Variants in TPH2 observed in about 807,000 individuals in gnomAD.
TPH2 encodes the protein tryptophan 5-hydroxylase 2.
TPH2 carries 27 observed loss-of-function variants against 59.1 expected under a neutral mutation model. That is an observed-to-expected ratio of 0.46 (90% CI 0.34 to 0.63). The LOEUF (loss-of-function observed/expected upper bound fraction) is 0.63. TPH2 is among the 30% of genes least tolerant of loss of function. TPH2 has a pLI of 0.01. For synonymous variants in TPH2, 220 were observed against 210.5 expected (o/e 1.05, Z -0.39); for missense variants, 523 against 588.3 (o/e 0.89, Z 1.15).
intron 5 of TPH2, among the ~76,000 whole-genome samples, chr12:71,970,940 AT>A (rs1057358108): frequency 2.0e-5 from 3 of 152,226 alleles, no homozygotes; most frequent in Non-Finnish European, 2.9e-5. Context: ...ACTGCAATTA[AT>A]TTTTTTTAAA....
intron 7 of TPH2, among the ~76,000 whole-genome samples, chr12:71,989,856 G>A (rs1872539110): frequency 6.6e-6 from 1 of 151,874 alleles, no homozygotes; most frequent in South Asian, 2.1e-4. Context: ...TTGTGGACCT[G>A]TTTCTGCAGG....
At position 72,031,295 on chromosome 12, in the gene TPH2, A is replaced by AC; in HGVS notation, c.1205dup (p.Thr404AspfsTer23). 6.2e-7 allele frequency: 1 copy of AC among 1,613,640 alleles called. No individual in the cohort carries two copies. Among genetic ancestry groups the AC allele is most frequent in the Middle Eastern group, 1.6e-4 (1 of 6,062 alleles). On this transcript the variant is annotated frameshift_variant, in exon 10 of 11. Coordinates refer to ENST00000333850, the MANE Select transcript of TPH2 (RefSeq NM_173353.4). LOFTEE classifies it high-confidence loss of function. ...GACAAGGCATGTGTGAAAGCCTTTG[A>AC]CCCAAAGACAACTTGCTTACAGGAA...
Position 71,997,761 on chromosome 12 carries a change from G to C in TPH2, c.1068+3196G>C, listed in dbSNP as rs546616447. 9.1e-4 allele frequency among the ~76,000 whole-genome samples: 128 copies of C among 141,008 alleles called. 1 individual carries two copies. The highest frequency in any genetic ancestry group is 1.8e-3 in the Admixed American group (24 of 13,302). 92.5% of individuals were successfully genotyped at this position (141,008 alleles called of 152,430 possible). A position where few individuals can be genotyped will look rare whatever the true frequency, so the allele number is the denominator to read the frequency against. ...TCCTAGGTACCATGAGGTAGGGACA[G>C]GGGGAAAAAAAGAGGTGGTAGTTTC... is the stretch of plus-strand genomic sequence containing the variant. On this transcript the variant is annotated intron_variant, in intron 8 of 10. Coordinates refer to ENST00000333850, the MANE Select transcript of TPH2 (RefSeq NM_173353.4).
chr12:71,994,658 A>C, intron 8 of TPH2, 93 bp downstream of exon 8: 1 of 1,496,538 alleles, frequency 6.7e-7, no homozygotes, highest in Non-Finnish European at 9.2e-7. Flanking sequence ...TTATAGGTAA[A>C]TGTTCTGGAG....
chr12:71,949,526 T>C (rs1218447624), intron 4 of TPH2, 62 bp from the exon 5 acceptor site: 14 of 1,391,762 alleles, frequency 1.0e-5, no homozygotes, highest in Non-Finnish European at 1.4e-5. Context: ...GATTTTCTTT[T>C]AGGTCTTCTG....
intron 8 of TPH2, among the ~76,000 whole-genome samples, chr12:71,999,864 G>A (rs1373030965): frequency 6.6e-6 from 1 of 152,166 alleles, no homozygotes; most frequent in Admixed American, 6.5e-5. Flanking sequence ...CTATCCTTGA[G>A]GGACAAGCCC....
chr12:71,977,491 G>A (rs553200430), intron 6 of TPH2, among the ~76,000 whole-genome samples: 1 of 152,178 alleles, frequency 6.6e-6, no homozygotes, highest in Admixed American at 6.5e-5. Flanking sequence ...ACACGCATGT[G>A]CACATATAAC....
In TPH2 at chr12:72,031,600, A is replaced by C. The variant is rs1873724099; in HGVS notation, c.1378A>C (p.Thr460Pro). 1.2e-6 allele frequency: 2 copies of C among 1,613,566 alleles called. No individual in the cohort carries two copies. Among genetic ancestry groups the C allele is most frequent in the African/African-American group, 1.3e-5 (1 of 74,890 alleles). The change falls in exon 11 of 11, where the codon ACC becomes CCC. Residue 460 changes from threonine to proline, a missense_variant. Physicochemically the swap from Thr to Pro is conservative, Grantham distance 38. Transcript: ENST00000333850. The stretch of plus-strand genomic sequence containing the variant: ...ACAGAGTATTGAAATTCTGAAAGAC[A>C]CCAGAAGTATTGAAAATGTGGTGCA... The part of the protein sequence containing the change: ...YTQSIEILKD[T>P]RSIENVVQDL...
intron 5 of TPH2, chr12:71,962,009 C>T: frequency 9.7e-7 from 1 of 1,027,098 alleles, no homozygotes; most frequent in Non-Finnish European, 1.2e-6. Context: ...GTGCAAAACT[C>T]ATTTGCAAAA....
At chr12:72,002,932 T>C (rs1872863604) in intron 8 of TPH2, among the ~76,000 whole-genome samples, 1 of 152,212 alleles carries the variant, frequency 6.6e-6, no homozygotes, top group Non-Finnish European at 1.5e-5. Flanking sequence ...AACCAGTACT[T>C]TCTCATGCTG....
chr12:71,990,157 CA>C (rs1244329642), intron 7 of TPH2, among the ~76,000 whole-genome samples: 1 of 152,054 alleles, frequency 6.6e-6, no homozygotes, highest in African/African-American at 2.4e-5. Flanking sequence ...CTGACAGGTG[CA>C]ATTATGGCCA....
intron 8 of TPH2, among the ~76,000 whole-genome samples, chr12:72,014,708 C>A (rs573490713): frequency 6.6e-6 from 1 of 152,170 alleles, no homozygotes; most frequent in African/African-American, 2.4e-5. Flanking sequence ...ATTTTTAACT[C>A]AAGAATGCTT....
intron 8 of TPH2, among the ~76,000 whole-genome samples, chr12:72,014,932 G>T (rs1032248188): frequency 6.6e-6 from 1 of 152,194 alleles, no homozygotes; most frequent in South Asian, 2.1e-4. Flanking sequence ...TTCACTTTTG[G>T]TTCCCAACGT....
intron 8 of TPH2, among the ~76,000 whole-genome samples, chr12:72,007,986 C>A (rs1873000023): frequency 1.3e-5 from 2 of 152,152 alleles, no homozygotes; most frequent in South Asian, 4.1e-4. Flanking sequence ...TACTGAGCAA[C>A]TACTATGTGT....
chr12:71,955,495 T>G (rs938472742), intron 5 of TPH2, among the ~76,000 whole-genome samples: 9 of 152,162 alleles, frequency 5.9e-5, no homozygotes, highest in Non-Finnish European at 1.3e-4. Flanking sequence ...GTGAAGCTGT[T>G]AAGTGTCAAA....
rs1343347330 is a variant in TPH2 at position 71,979,070 on chromosome 12, C to T, written c.924C>T (p.Pro308=). 6 of 1,613,984 alleles carry T rather than the reference C, an allele frequency of 3.7e-6. No homozygotes were observed. In the Admixed American group the frequency reaches 8.3e-5, roughly 22 times the overall value. The part of the protein sequence containing the change: ...CTQYIRHGSD[P]LYTPEPDTCH... The stretch of plus-strand genomic sequence containing the variant: ...AGTACATCCGGCATGGCTCAGATCC[C>T]CTCTACACCCCAGAACCGTGAGTAC... The change falls in exon 7 of 11, where the codon CCC becomes CCT. Residue 308 remains proline, a synonymous_variant. Coordinates refer to ENST00000333850, the MANE Select transcript of TPH2 (RefSeq NM_173353.4).
intron 9 of TPH2, among the ~76,000 whole-genome samples, chr12:72,025,095 T>G (rs576040198): frequency 6.6e-6 from 1 of 152,234 alleles, no homozygotes; most frequent in South Asian, 2.1e-4. Flanking sequence ...TCTGAGTACT[T>G]TTAACCTTTA....
At chr12:71,988,295 G>T (rs999629219) in intron 7 of TPH2, among the ~76,000 whole-genome samples, 2 of 152,130 alleles carry the variant, frequency 1.3e-5, no homozygotes, top group Non-Finnish European at 2.9e-5. Flanking sequence ...CTTCAGAAAT[G>T]GTGGGTGTAT....
chr12:72,008,712 A>G (rs184860215), intron 8 of TPH2, among the ~76,000 whole-genome samples: 82 of 152,300 alleles, frequency 5.4e-4, no homozygotes, highest in Non-Finnish European at 9.6e-4. Flanking sequence ...GAATAATGGC[A>G]GGGACTGAGC....
Sources: gnomAD v4.1 joint callset for allele counts (sites outside exome capture counted in the v4.1 genomes callset) on GRCh38, gnomAD v4.1.1 for gene constraint, MANE v1.5 for transcripts, NCBI Gene and HGNC (gene_info 2026-07-23, HGNC 2026-07-21) for gene names.